TMEM135: variants seen among roughly 807,000 people sequenced by gnomAD.
The protein encoded by TMEM135 is peroxisomal membrane protein 52.
In TMEM135, 30 loss-of-function variants were observed where a neutral mutation model predicts 60.3. The ratio of observed to expected loss-of-function variants is 0.50; its 90% CI spans 0.37 to 0.68. The LOEUF is 0.68. TMEM135 is among the 30% of genes least tolerant of loss of function. TMEM135 has a pLI of 0.00. For synonymous variants in TMEM135, 190 were observed against 186.7 expected (o/e 1.02, Z -0.14); for missense variants, 468 against 548.8 (o/e 0.85, Z 1.47).
chr11:87,232,436 A>G (rs999736078), intron 5 of TMEM135, among the ~76,000 whole-genome samples: 1 of 152,146 alleles, frequency 6.6e-6, no homozygotes, highest in African/African-American at 2.4e-5. Flanking sequence ...AAGTAGCCTA[A>G]TAATTCCTAC....
chr11:87,282,888 C>A (rs902579457), intron 6 of TMEM135, among the ~76,000 whole-genome samples: 4 of 152,096 alleles, frequency 2.6e-5, no homozygotes, highest in Non-Finnish European at 5.9e-5. Context: ...TATGGGCTAG[C>A]AAGATTCCAT....
At position 87,321,909 on chromosome 11, in the gene TMEM135, G is replaced by A. The variant is rs1219170249; in HGVS notation, c.*576G>A. 2.2e-6 allele frequency: 1 copy of A among 454,258 alleles called. No individual in the cohort carries two copies. Among genetic ancestry groups the A allele is most frequent in the Admixed American group, 2.4e-5 (1 of 42,530 alleles). The allele number at this position is 454,258 out of a possible 1,614,324, so 28.1% of individuals were successfully genotyped here. Reference sequence around the variant, plus strand: ...ATTCTTACTTCAGGGATGCAAAGATGGGTCTCATACCATTTGGATAAATGT... The same window carrying A: ...ATTCTTACTTCAGGGATGCAAAGATAGGTCTCATACCATTTGGATAAATGT... On this transcript the variant is annotated 3_prime_UTR_variant, in exon 15 of 15. Transcript: ENST00000305494.
At chr11:87,073,353 A>G (rs185115081) in intron 3 of TMEM135, among the ~76,000 whole-genome samples, 6 of 152,286 alleles carry the variant, frequency 3.9e-5, no homozygotes, top group Admixed American at 2.0e-4. Flanking sequence ...CTCTTAATAC[A>G]TTTTTGTAAG....
At position 87,216,755 on chromosome 11, in the gene TMEM135, G is replaced by T. The variant is rs189195652; in HGVS notation, c.463-19883G>T. On this transcript the variant is annotated intron_variant, in intron 5 of 14. Coordinates refer to ENST00000305494, the MANE Select transcript of TMEM135 (RefSeq NM_022918.4). ...TTTAAGGTTTTATAAAAATATATTT[G>T]CCTTAAGCCATTTCTAAAATATATT... is the stretch of plus-strand genomic sequence containing the variant. Among the ~76,000 whole-genome samples, 291 of 152,190 alleles carry T rather than the reference G, an allele frequency of 1.9e-3. 1 individual carries two copies. The highest frequency in any genetic ancestry group is 6.7e-3 in the African/African-American group (277 of 41,520).
chr11:87,268,178 C>A (rs1368206961), intron 6 of TMEM135, among the ~76,000 whole-genome samples: 1 of 146,394 alleles, frequency 6.8e-6, no homozygotes. Context: ...CCTTTCTTTT[C>A]TTTTCTTTCT....
At chr11:87,091,943 G>A (rs1857216742) in intron 4 of TMEM135, among the ~76,000 whole-genome samples, 1 of 152,008 alleles carries the variant, frequency 6.6e-6, no homozygotes, top group African/African-American at 2.4e-5. Flanking sequence ...TCAAGTTTAT[G>A]TAAATTTTAT....
intron 5 of TMEM135, among the ~76,000 whole-genome samples, chr11:87,203,032 C>CAAAAAA (rs534909524): frequency 1.2e-4 from 4 of 33,568 alleles, no homozygotes; most frequent in African/African-American, 1.8e-4. Flanking sequence ...GACTCCGTCT[C>CAAAAAA]AAAAAAAAAA....
chr11:87,107,507 A>T (rs1857628832), intron 4 of TMEM135, among the ~76,000 whole-genome samples: 1 of 150,914 alleles, frequency 6.6e-6, no homozygotes, highest in South Asian at 2.1e-4. Context: ...GAGTGAGAAC[A>T]TGCAGTGTTT....
At chr11:87,182,553 T>G (rs1202212970) in intron 5 of TMEM135, among the ~76,000 whole-genome samples, 2 of 152,196 alleles carry the variant, frequency 1.3e-5, no homozygotes, top group Non-Finnish European at 2.9e-5. Flanking sequence ...AATTTCTGTT[T>G]GCTTTTCTTC....
chr11:87,123,608 A>G (rs1937641542), intron 4 of TMEM135, among the ~76,000 whole-genome samples: 1 of 152,210 alleles, frequency 6.6e-6, no homozygotes, highest in Non-Finnish European at 1.5e-5. Flanking sequence ...AACCCACTAC[A>G]CTATTAAAAA....
chr11:87,086,536 C>T (rs1401899727), intron 3 of TMEM135, among the ~76,000 whole-genome samples: 1 of 149,296 alleles, frequency 6.7e-6, no homozygotes. Context: ...TGGGGGTGGT[C>T]CCCCACCCCC....
At chr11:87,296,873 CAG>C (rs1362446266) in intron 7 of TMEM135, among the ~76,000 whole-genome samples, 1 of 151,822 alleles carries the variant, frequency 6.6e-6, no homozygotes, top group Admixed American at 6.6e-5. Context: ...TGTGAGGTAA[CAG>C]TGAGAAAATG....
intron 4 of TMEM135, among the ~76,000 whole-genome samples, chr11:87,111,379 G>T (rs1015739226): frequency 1.3e-5 from 2 of 152,044 alleles, no homozygotes; most frequent in Non-Finnish European, 2.9e-5. Context: ...CTGGCGCTGT[G>T]GCTCACGCCT....
Position 87,163,126 on chromosome 11 carries a change from C to T in TMEM135, c.462+5720C>T, listed in dbSNP as rs1272116281. ...TATGTATACATGTGCCATGCTGGTG[C>T]ACTGCACCCACTAACTCCTCATCTA... is the stretch of plus-strand genomic sequence containing the variant. On this transcript the variant is annotated intron_variant, in intron 5 of 14. Coordinates refer to ENST00000305494, the MANE Select transcript of TMEM135 (RefSeq NM_022918.4). 4.7e-5 allele frequency among the ~76,000 whole-genome samples: 7 copies of T among 149,684 alleles called. No homozygotes were observed. The South Asian group carries it at 1.5e-3, about 32-fold the overall frequency.
intron 3 of TMEM135, among the ~76,000 whole-genome samples, chr11:87,072,655 A>G (rs1856792982): frequency 6.6e-6 from 1 of 152,154 alleles, no homozygotes; most frequent in African/African-American, 2.4e-5. Context: ...TGCTAGTATT[A>G]CAGGTGTGAG....
intron 5 of TMEM135, among the ~76,000 whole-genome samples, chr11:87,191,580 A>T (rs1277900011): frequency 6.6e-6 from 1 of 152,170 alleles, no homozygotes; most frequent in Non-Finnish European, 1.5e-5. Flanking sequence ...ACTTTGGGGC[A>T]GGGAAGAATT....
chr11:87,321,506 T>C lies in TMEM135; in HGVS notation c.*173T>C. 1.3e-6 allele frequency: 1 copy of C among 763,404 alleles called. No homozygotes were observed. Among genetic ancestry groups the C allele is most frequent in the Non-Finnish European group, 2.3e-6 (1 of 442,982 alleles). 47.3% of individuals were successfully genotyped at this position (763,404 alleles called of 1,614,324 possible). ...GAAATTCAGAAGCTTTTTAGGAAGATGTTGCTTAATAATTAAGCTTCCTCC... is the reference window on the plus strand; with the variant it reads ...GAAATTCAGAAGCTTTTTAGGAAGACGTTGCTTAATAATTAAGCTTCCTCC... On this transcript the variant is annotated 3_prime_UTR_variant, in exon 15 of 15. Coordinates refer to ENST00000305494, the MANE Select transcript of TMEM135 (RefSeq NM_022918.4).
intron 4 of TMEM135, among the ~76,000 whole-genome samples, chr11:87,145,288 C>T (rs1436924490): frequency 1.3e-5 from 2 of 152,206 alleles, no homozygotes; most frequent in African/African-American, 4.8e-5. Context: ...AATAGTATTC[C>T]ATAGTGTAAA....
chr11:87,061,111 T>C (rs1433698743), intron 1 of TMEM135, among the ~76,000 whole-genome samples: 1 of 152,216 alleles, frequency 6.6e-6, no homozygotes, highest in Non-Finnish European at 1.5e-5. Flanking sequence ...ATTTGTATGG[T>C]ATATAGGATG....
Sources: allele counts gnomAD v4.1 joint callset (sites outside exome capture counted in the v4.1 genomes callset), GRCh38; gene constraint gnomAD v4.1.1; transcripts MANE v1.5; gene names NCBI Gene and HGNC (gene_info 2026-07-23, HGNC 2026-07-21).